Variants in NEIL3 observed in about 807,000 individuals in gnomAD.
NEIL3 encodes endonuclease 8-like 3.
A neutral mutation model predicts 57.5 loss-of-function variants in NEIL3; 48 were observed. The observed-to-expected ratio is 0.83, with a 90% CI of 0.66 to 1.06. The LOEUF (loss-of-function observed/expected upper bound fraction) is 1.06, where lower values mean the gene tolerates loss of function less well. Ranked by LOEUF, NEIL3 falls within the 50% of genes least tolerant of loss-of-function variation. NEIL3 has a pLI of 0.00. For missense variants in NEIL3, 717 were observed against 739.1 expected (o/e 0.97, Z 0.35); for synonymous variants, 261 against 253.2 (o/e 1.03, Z -0.29).
At chr4:177,315,103 T>TG (rs950185556) in intron 1 of NEIL3, among the ~76,000 whole-genome samples, 10 of 148,360 alleles carry the variant, frequency 6.7e-5, no homozygotes, top group African/African-American at 2.2e-4. Context: ...GTTGTTGTAC[T>TG]GGGGGGAAAA....
Position 177,341,457 on chromosome 4 carries a change from TG to T in NEIL3, c.703-17del, listed in dbSNP as rs769860863. On this transcript the variant is annotated intron_variant, in intron 5 of 9. Coordinates refer to ENST00000264596, the MANE Select transcript of NEIL3 (RefSeq NM_018248.3). ...CTGTTTTGTGGATAACAGAATTTTT[TG>T]GTTTTTTTTTTTTTTAGTGCCGTAA... 7 of 1,543,136 alleles carry T rather than the reference TG, an allele frequency of 4.5e-6. No homozygotes were observed. The highest frequency in any genetic ancestry group is 6.1e-6 in the Non-Finnish European group (7 of 1,146,796).
intron 6 of NEIL3, among the ~76,000 whole-genome samples, chr4:177,348,549 G>T (rs575724683): frequency 2.9e-4 from 44 of 152,200 alleles, no homozygotes; most frequent in Middle Eastern, 3.4e-3. Flanking sequence ...GCACCCAGGC[G>T]CCAGGATTAC....
chr4:177,359,575 A>G (rs1342564717), intron 8 of NEIL3, among the ~76,000 whole-genome samples: 1 of 152,122 alleles, frequency 6.6e-6, no homozygotes, highest in Non-Finnish European at 1.5e-5. Context: ...TTTGTTCTTT[A>G]GATATTTACC....
chr4:177,345,943 G>A (rs1238572626), intron 6 of NEIL3, among the ~76,000 whole-genome samples: 3 of 151,668 alleles, frequency 2.0e-5, no homozygotes, highest in Non-Finnish European at 2.9e-5. Flanking sequence ...CATCCACCTC[G>A]ACCTCCCAAA....
At chr4:177,366,241 C>T (rs1051369060), downstream of NEIL3, among the ~76,000 whole-genome samples, 5 of 152,116 alleles carry the variant, frequency 3.3e-5, no homozygotes, top group Non-Finnish European at 7.4e-5. Flanking sequence ...ATATATGTGA[C>T]AACTATATCA....
chr4:177,354,589 T>C (rs1279648511), intron 8 of NEIL3, among the ~76,000 whole-genome samples: 1 of 152,186 alleles, frequency 6.6e-6, no homozygotes, highest in Non-Finnish European at 1.5e-5. Flanking sequence ...TTTGCTCTTG[T>C]CGCCCAGCTG....
At chr4:177,350,885 A>C (rs1272369879) in intron 6 of NEIL3, among the ~76,000 whole-genome samples, 2 of 151,452 alleles carry the variant, frequency 1.3e-5, no homozygotes, top group Non-Finnish European at 2.9e-5. Flanking sequence ...TTTAACAACA[A>C]TTAGTTGTTA....
At chr4:177,325,941 A>G (rs1430961647) in intron 2 of NEIL3, among the ~76,000 whole-genome samples, 1 of 152,116 alleles carries the variant, frequency 6.6e-6, no homozygotes, top group Non-Finnish European at 1.5e-5. Context: ...TCTAGATGTC[A>G]GTCATTTATC....
At position 177,341,645 on chromosome 4, in the gene NEIL3, A is replaced by T. The variant is rs751792353; in HGVS notation, c.869+3A>T. 1 of 1,611,536 alleles carries T rather than the reference A, an allele frequency of 6.2e-7. No individual in the cohort carries two copies. Among genetic ancestry groups the T allele is most frequent in the Non-Finnish European group, 8.5e-7 (1 of 1,178,680 alleles). On this transcript the variant is annotated splice_donor_region_variant and intron_variant, in intron 6 of 9. Coordinates refer to ENST00000264596, the MANE Select transcript of NEIL3 (RefSeq NM_018248.3). ...AATCCTCAACATGTTGACATATGGT[A>T]AGATATTGAATTTAAAGGGATACCA...
At chr4:177,351,660 T>C in intron 7 of NEIL3, 111 bp downstream of exon 7, 1 of 893,496 alleles carries the variant, frequency 1.1e-6, no homozygotes, top group Non-Finnish European at 1.7e-6. Flanking sequence ...ATAAAATTTC[T>C]TTCTCAAAGG....
rs958997276 is a variant in NEIL3, at chr4:177,360,549, G to T, written c.1507G>T (p.Asp503Tyr). 1.9e-6 allele frequency: 3 copies of T among 1,614,016 alleles called. No individual in the cohort carries two copies. The highest frequency in any genetic ancestry group is 1.7e-6 in the Non-Finnish European group (2 of 1,179,968). ...MTDGPRTLNP[D>Y]SPRCSKHNRL... ...AGATGGCCCTCGTACCTTAAATCCT[G>T]ACAGCCCTCGCTGCAGTAAACACAA... is the stretch of plus-strand genomic sequence containing the variant. The change falls in exon 9 of 10, where the codon GAC becomes TAC. Residue 503 changes from aspartate to tyrosine, a missense_variant. Asp to Tyr is a radical substitution (Grantham distance 160, BLOSUM62 -3). Coordinates refer to ENST00000264596, the MANE Select transcript of NEIL3 (RefSeq NM_018248.3).
At chr4:177,365,028 A>G (rs1213381821), downstream of NEIL3, among the ~76,000 whole-genome samples, 1 of 152,180 alleles carries the variant, frequency 6.6e-6, no homozygotes, top group Non-Finnish European at 1.5e-5. Flanking sequence ...AGATAAATAC[A>G]TCAACACTCT....
chr4:177,315,239 G>GT (rs1018073144), intron 1 of NEIL3, among the ~76,000 whole-genome samples: 2 of 152,110 alleles, frequency 1.3e-5, no homozygotes, highest in African/African-American at 4.8e-5. Context: ...GCTCTAAAAA[G>GT]TTTGTCTTTC....
chr4:177,312,560 A>AG (rs1734497049), intron 1 of NEIL3, among the ~76,000 whole-genome samples: 1 of 152,232 alleles, frequency 6.6e-6, no homozygotes, highest in African/African-American at 2.4e-5. Flanking sequence ...ATTGCACAAA[A>AG]GAGTGCAGCC....
In NEIL3 at chr4:177,360,027, G is replaced by C. The variant is rs80167560; in HGVS notation, c.1461-476G>C. 1.2e-3 allele frequency among the ~76,000 whole-genome samples: 177 copies of C among 152,352 alleles called. 1 individual carries two copies. The East Asian group carries it at 0.033, about 28-fold the overall frequency. ...AATTGTCTTTAAAGTGGACAGCAGA[G>C]AGAGTGATTTCTATGGCCTTGTCAG... On this transcript the variant is annotated intron_variant, in intron 8 of 9. Coordinates refer to ENST00000264596, the MANE Select transcript of NEIL3 (RefSeq NM_018248.3).
chr4:177,345,431 CAATGAGA>C (rs1443697906), intron 6 of NEIL3, among the ~76,000 whole-genome samples: 2 of 150,966 alleles, frequency 1.3e-5, no homozygotes, highest in Non-Finnish European at 2.9e-5. Context: ...GGTTGCCAGT[CAATGAGA>C]ATTTAGTGCT....
chr4:177,338,714 C>T (rs1158439660), intron 4 of NEIL3, among the ~76,000 whole-genome samples: 2 of 152,220 alleles, frequency 1.3e-5, no homozygotes, highest in Non-Finnish European at 2.9e-5. Flanking sequence ...TGTCTGAGCT[C>T]TTCCATGTGT....
Position 177,309,977 on chromosome 4 carries a change from T to G in NEIL3, c.24T>G (p.Thr8=). ...AGATGGTGGAAGGACCAGGCTGTAC[T>G]CTGAATGGAGAGAAGATTCGCGCGC... MVEGPGC[T]LNGEKIRARV... The change falls in exon 1 of 10, where the codon ACT becomes ACG. Residue 8 remains threonine, a synonymous_variant. Transcript: ENST00000264596. The G allele has an allele frequency of 6.2e-7, 1 of 1,610,086 alleles. No homozygotes were observed.
downstream of NEIL3, among the ~76,000 whole-genome samples, chr4:177,365,920 T>G (rs1735686905): frequency 6.6e-6 from 1 of 152,170 alleles, no homozygotes; most frequent in Non-Finnish European, 1.5e-5. Context: ...AGTCCAAAAC[T>G]ACACAGCATA....
Sources: gnomAD v4.1 joint callset for allele counts (sites outside exome capture counted in the v4.1 genomes callset) on GRCh38, gnomAD v4.1.1 for gene constraint, MANE v1.5 for transcripts, NCBI Gene and HGNC (gene_info 2026-07-23, HGNC 2026-07-21) for gene names.